KATNAL1: variants seen among roughly 807,000 people sequenced by gnomAD.
KATNAL1 encodes katanin p60 ATPase-containing subunit A-like 1.
A neutral mutation model predicts 55.2 loss-of-function variants in KATNAL1; 32 were observed. The observed-to-expected ratio is 0.58, with a 90% CI of 0.44 to 0.78. The LOEUF (loss-of-function observed/expected upper bound fraction) is 0.78, where lower values mean the gene tolerates loss of function less well. Ranked by LOEUF, KATNAL1 falls within the 30% of genes least tolerant of loss-of-function variation. The probability of loss-of-function intolerance (pLI) is 0.00; values close to 1 mark genes in which losing one functional copy is unlikely to be tolerated. For missense variants in KATNAL1, 466 were observed against 600.9 expected, an observed-to-expected ratio of 0.78 and a Z score of 2.35; for synonymous variants, 193 against 193.6, an observed-to-expected ratio of 1.00 and a Z score of 0.02.
Position 30,208,115 on chromosome 13 carries a change from G to C in KATNAL1, c.*425C>G, listed in dbSNP as rs1291285952. The C allele has an allele frequency of 1.3e-5, 2 of 153,102 alleles. No homozygotes were observed. Among genetic ancestry groups the C allele is most frequent in the Non-Finnish European group, 2.9e-5 (2 of 68,732 alleles). 9.5% of individuals were successfully genotyped at this position (153,102 alleles called of 1,614,324 possible). A position where few individuals can be genotyped will look rare whatever the true frequency, so the allele number is the denominator to read the frequency against. On this transcript the variant is annotated 3_prime_UTR_variant, in exon 11 of 11. Transcript: ENST00000380615. ...TGTCATTCTTCTCTTAACAATGAAT[G>C]TTTGACACAAATCCAATTTTGATGT...
At chr13:30,222,230 C>T (rs1255561343) in intron 9 of KATNAL1, among the ~76,000 whole-genome samples, 1 of 152,024 alleles carries the variant, frequency 6.6e-6, no homozygotes, top group Non-Finnish European at 1.5e-5. Context: ...GCGACACTGC[C>T]CCCACCGCCC....
intron 1 of KATNAL1, among the ~76,000 whole-genome samples, chr13:30,290,309 ATT>A (rs1882051410): frequency 4.6e-5 from 7 of 152,102 alleles, no homozygotes; most frequent in African/African-American, 1.4e-4. Flanking sequence ...CTCTAGTAGG[ATT>A]GACCAGGAAA....
intron 1 of KATNAL1, among the ~76,000 whole-genome samples, chr13:30,295,039 C>A (rs1159798915): frequency 6.6e-6 from 1 of 152,212 alleles, no homozygotes; most frequent in Non-Finnish European, 1.5e-5. Context: ...CACCTGGTCA[C>A]CAAAGAGCTC....
At chr13:30,296,576 GC>G (rs960832183) in intron 1 of KATNAL1, 7 of 730,748 alleles carry the variant, frequency 9.6e-6, no homozygotes, top group Non-Finnish European at 1.8e-5. Context: ...TTAATGATTT[GC>G]CTGTGGGACG....
chr13:30,232,048 A>G (rs189932313), intron 6 of KATNAL1, among the ~76,000 whole-genome samples: 46 of 152,324 alleles, frequency 3.0e-4, no homozygotes, highest in African/African-American at 1.1e-3. Context: ...CTTATATAAA[A>G]TAGTAATAGT....
intron 1 of KATNAL1, among the ~76,000 whole-genome samples, chr13:30,295,020 C>T (rs1325816672): frequency 6.6e-6 from 1 of 152,200 alleles, no homozygotes; most frequent in African/African-American, 2.4e-5. Context: ...TTGCCACTCA[C>T]TGACAATGCA....
chr13:30,253,959 T>C (rs1467089548), intron 4 of KATNAL1, among the ~76,000 whole-genome samples: 1 of 152,194 alleles, frequency 6.6e-6, no homozygotes, highest in East Asian at 1.9e-4. Flanking sequence ...TCTTCATCTG[T>C]AAAGTCGGGA....
At chr13:30,298,381 A>G (rs1421946313) in intron 1 of KATNAL1, among the ~76,000 whole-genome samples, 1 of 152,206 alleles carries the variant, frequency 6.6e-6, no homozygotes, top group Non-Finnish European at 1.5e-5. Context: ...TTATATAGAC[A>G]TACTAAAATT....
chr13:30,286,324 A>G (rs1881784598), intron 1 of KATNAL1, among the ~76,000 whole-genome samples: 1 of 152,240 alleles, frequency 6.6e-6, no homozygotes, highest in South Asian at 2.1e-4. Flanking sequence ...GGCTGGGTCC[A>G]GGGCCCCTCT....
intron 3 of KATNAL1, among the ~76,000 whole-genome samples, chr13:30,264,275 A>G (rs1011228917): frequency 5.5e-5 from 8 of 146,112 alleles, no homozygotes; most frequent in Non-Finnish European, 1.1e-4. Context: ...TAAAAACCCT[A>G]GAAGAAAACC....
intron 1 of KATNAL1, among the ~76,000 whole-genome samples, chr13:30,284,216 C>T (rs945422628): frequency 2.6e-5 from 4 of 152,106 alleles, no homozygotes; most frequent in African/African-American, 4.8e-5. Flanking sequence ...CTGAATGCAT[C>T]TTACAACACT....
intron 3 of KATNAL1, among the ~76,000 whole-genome samples, chr13:30,272,933 T>C (rs191785400): frequency 3.9e-5 from 6 of 152,286 alleles, no homozygotes; most frequent in Admixed American, 3.9e-4. Flanking sequence ...GCATAAGCGC[T>C]CACCTCTATA....
At position 30,238,566 on chromosome 13, in the gene KATNAL1, C is replaced by T. The variant is rs116134592; in HGVS notation, c.726+1894G>A. The stretch of plus-strand genomic sequence containing the variant: ...TTCCTACATCTCCAAAATGTCTCCT[C>T]CAACATAGCGAAATCCTCACAACCC... On this transcript the variant is annotated intron_variant, in intron 6 of 10. Coordinates refer to ENST00000380615, the MANE Select transcript of KATNAL1 (RefSeq NM_032116.5). 9.2e-3 allele frequency among the ~76,000 whole-genome samples: 1,395 copies of T among 152,308 alleles called. 23 individuals carry two copies. Among genetic ancestry groups the T allele is most frequent in the African/African-American group, 0.032 (1,336 of 41,552 alleles).
rs557730158 is a variant in KATNAL1 at position 30,202,908 on chromosome 13, C to T, written c.*5632G>A. 2 of 152,318 alleles carry T rather than the reference C, an allele frequency of 1.3e-5. No individual in the cohort carries two copies. The highest frequency in any genetic ancestry group is 1.3e-4 in the Admixed American group (2 of 15,298). The allele number at this position is 152,318 out of a possible 1,614,324, so 9.4% of individuals were successfully genotyped here. A position where few individuals can be genotyped will look rare whatever the true frequency, so the allele number is the denominator to read the frequency against. On this transcript the variant is annotated 3_prime_UTR_variant, in exon 11 of 11. Coordinates refer to ENST00000380615, the MANE Select transcript of KATNAL1 (RefSeq NM_032116.5). ...CATGTTAACTGGGGGCCACTCCCTG[C>T]TGCCGTACCATCATATGAATATACA...
chr13:30,230,978 T>G (rs1333231164), intron 7 of KATNAL1, among the ~76,000 whole-genome samples: 1 of 152,220 alleles, frequency 6.6e-6, no homozygotes, highest in African/African-American at 2.4e-5. Context: ...CAGACTCTGA[T>G]TTTTAAAATA....
At chr13:30,237,902 C>CATA (rs903854001) in intron 6 of KATNAL1, among the ~76,000 whole-genome samples, 2 of 152,186 alleles carry the variant, frequency 1.3e-5, no homozygotes, top group Admixed American at 6.5e-5. Context: ...CTTCTTGACA[C>CATA]ATATATTACA....
intron 3 of KATNAL1, among the ~76,000 whole-genome samples, chr13:30,265,870 G>A (rs1206113760): frequency 6.6e-6 from 1 of 151,434 alleles, no homozygotes; most frequent in African/African-American, 2.4e-5. Context: ...AAATTTGCCA[G>A]GCATGGTGGC....
intron 3 of KATNAL1, among the ~76,000 whole-genome samples, chr13:30,274,826 T>C (rs1282446880): frequency 6.7e-6 from 1 of 150,288 alleles, no homozygotes; most frequent in African/African-American, 2.5e-5. Context: ...AAACATACAT[T>C]GACAGATGAA....
chr13:30,241,055 T>C lies in KATNAL1; in HGVS notation c.524A>G (p.Asp175Gly). 1 of 1,613,628 alleles carries C rather than the reference T, an allele frequency of 6.2e-7. No homozygotes were observed. Among genetic ancestry groups the C allele is most frequent in the African/African-American group, 1.3e-5 (1 of 75,034 alleles). Reference protein sequence around the residue: ...GRKNMQDGASDGEMPKFDGAG... With the variant: ...GRKNMQDGASGGEMPKFDGAG... The stretch of plus-strand genomic sequence containing the variant: ...ACCATCAAATTTTGGCATTTCACCA[T>C]CACTTGCACCATCTTGCATATTCTT... The change falls in exon 5 of 11, where the codon GAT (aspartate) becomes GGT (glycine). Residue 175 changes from aspartate to glycine, a missense_variant. Asp to Gly is a moderately conservative substitution (Grantham distance 94). Coordinates refer to ENST00000380615, the MANE Select transcript of KATNAL1 (RefSeq NM_032116.5).
Sources: gnomAD v4.1 joint callset for allele counts (sites outside exome capture counted in the v4.1 genomes callset) on GRCh38, gnomAD v4.1.1 for gene constraint, MANE v1.5 for transcripts, NCBI Gene and HGNC (gene_info 2026-07-23, HGNC 2026-07-21) for gene names.